Variants in ZNF318 observed in about 807,000 individuals in gnomAD.
ZNF318 encodes the protein endocrine regulator.
In ZNF318, 51 loss-of-function variants were observed where a neutral mutation model predicts 124.2. The ratio of observed to expected loss-of-function variants is 0.41; its 90% CI spans 0.33 to 0.52. The LOEUF is 0.52. ZNF318 is among the 20% of genes least tolerant of loss of function. The pLI is 0.23. For synonymous variants in ZNF318, 1,090 were observed against 1,040.7 expected, an observed-to-expected ratio of 1.05 and a Z score of -0.91; for missense variants, 2,815 against 2,811.2, an observed-to-expected ratio of 1.00 and a Z score of -0.03.
In ZNF318 at chr6:43,340,353, T is replaced by A. The variant is rs1392520306; in HGVS notation, c.3645A>T (p.Lys1215Asn). 4 of 1,614,056 alleles carry A rather than the reference T, an allele frequency of 2.5e-6. No individual in the cohort carries two copies. In the African/African-American group the frequency reaches 5.3e-5, roughly 22 times the overall value. The change falls in exon 10 of 10, where the codon AAA (lysine) becomes AAT (asparagine). Residue 1215 changes from lysine (K) to asparagine (N), a missense_variant. Coordinates refer to ENST00000361428, the MANE Select transcript of ZNF318 (RefSeq NM_014345.3). ...TTACTTCTTTCACAGCCTTTGCCTTTTTTTCTTTCTTCTCCTCCTTTGGTT... is the reference window on the plus strand; with the variant it reads ...TTACTTCTTTCACAGCCTTTGCCTTATTTTCTTTCTTCTCCTCCTTTGGTT... ...SEKPKEEKKE[K>N]KAKAVKEVKE...
Position 43,369,477 on chromosome 6 carries a change from G to T in ZNF318, c.-112C>A. 1 of 901,162 alleles carries T rather than the reference G, an allele frequency of 1.1e-6. No individual in the cohort carries two copies. Among genetic ancestry groups the T allele is most frequent in the Non-Finnish European group, 1.4e-6 (1 of 727,182 alleles). 55.8% of individuals were successfully genotyped at this position (901,162 alleles called of 1,614,324 possible). A position where few individuals can be genotyped will look rare whatever the true frequency, so the allele number is the denominator to read the frequency against. On this transcript the variant is annotated 5_prime_UTR_variant, in exon 1 of 10. Coordinates refer to ENST00000361428, the MANE Select transcript of ZNF318 (RefSeq NM_014345.3). ...GCCGCCACCTCGGCCGCTGCGCGCC[G>T]CCTCAGCCGCGGGAGCAGCCCCCTC...
chr6:43,359,161 A>G (rs1180681165), intron 2 of ZNF318, among the ~76,000 whole-genome samples: 1 of 152,194 alleles, frequency 6.6e-6, no homozygotes, highest in Non-Finnish European at 1.5e-5. Flanking sequence ...AAACCCATAA[A>G]GCTCTCTCAC....
At chr6:43,359,817 C>T (rs1316661610) in intron 2 of ZNF318, among the ~76,000 whole-genome samples, 1 of 152,178 alleles carries the variant, frequency 6.6e-6, no homozygotes, top group Non-Finnish European at 1.5e-5. Flanking sequence ...ATCCAGGTTT[C>T]TGTTACCCAC....
chr6:43,367,841 A>C (rs543456621), intron 1 of ZNF318, among the ~76,000 whole-genome samples: 1 of 152,306 alleles, frequency 6.6e-6, no homozygotes, highest in Middle Eastern at 3.4e-3. Flanking sequence ...AGAGCCACTC[A>C]AAAAAGCAGA....
chr6:43,352,112 C>T (rs1045633702), intron 5 of ZNF318, among the ~76,000 whole-genome samples: 3 of 76,682 alleles, frequency 3.9e-5, no homozygotes, highest in Non-Finnish European at 7.0e-5. Flanking sequence ...CCACTTCACT[C>T]CAGCCTGGGT....
chr6:43,350,745 C>T (rs1779513530), intron 5 of ZNF318, among the ~76,000 whole-genome samples: 1 of 151,930 alleles, frequency 6.6e-6, no homozygotes. Context: ...GGAAGCGAGG[C>T]TGCAGTGAGC....
At position 43,338,927 on chromosome 6, in the gene ZNF318, G is replaced by A. The variant is rs764930796; in HGVS notation, c.5071C>T (p.Pro1691Ser). The A allele has an allele frequency of 1.2e-6, 2 of 1,614,084 alleles. No individual in the cohort carries two copies. The highest frequency in any genetic ancestry group is 1.1e-5 in the South Asian group (1 of 91,072). Residue 1691 changes from proline to serine, a missense_variant, in exon 10 of 10, where the codon CCA (proline) becomes TCA (serine). By Grantham distance (74) the Pro-to-Ser change is moderately conservative (BLOSUM62 -1). This residue lies in a region of ZNF318 where 927 missense variants were observed against 820.6 expected (regional missense o/e 1.13). Transcript: ENST00000361428. ...CQSRPYETIT[P>S]KTDTLAIWTS... Reference sequence around the variant, plus strand: ...CATATGGCCAAAGTGTCTGTCTTTGGGGTAATTGTTTCATAAGGCCTGCTT... The same window carrying A: ...CATATGGCCAAAGTGTCTGTCTTTGAGGTAATTGTTTCATAAGGCCTGCTT...
Position 43,336,930 on chromosome 6 carries a change from G to T in ZNF318, c.*228C>A. 4.9e-6 allele frequency: 1 copy of T among 204,836 alleles called. No homozygotes were observed. Among genetic ancestry groups the T allele is most frequent in the Non-Finnish European group, 9.2e-6 (1 of 108,820 alleles). 12.7% of individuals were successfully genotyped at this position (204,836 alleles called of 1,614,324 possible). On this transcript the variant is annotated 3_prime_UTR_variant, in exon 10 of 10. Coordinates refer to ENST00000361428, the MANE Select transcript of ZNF318 (RefSeq NM_014345.3). ...AAAATTAACAAAATACATTTTTACA[G>T]ATATATATATATATATATAAGTTGT...
chr6:43,336,202 A>G lies in ZNF318; in HGVS notation c.*956T>C, dbSNP rs1035352312. The G allele has an allele frequency of 3.3e-5, 5 of 152,660 alleles. No individual in the cohort carries two copies. The highest frequency in any genetic ancestry group is 1.2e-4 in the African/African-American group (5 of 41,460). The allele number at this position is 152,660 out of a possible 1,614,324, so 9.5% of individuals were successfully genotyped here. On this transcript the variant is annotated 3_prime_UTR_variant, in exon 10 of 10. Coordinates refer to ENST00000361428, the MANE Select transcript of ZNF318 (RefSeq NM_014345.3). ...AAACATCGTACTATGGTTGAAATTA[A>G]TTGGGAAAGGAGGAGGTAGAGGAAA... is the stretch of plus-strand genomic sequence containing the variant.
chr6:43,347,852 C>T (rs111597025), intron 6 of ZNF318, among the ~76,000 whole-genome samples: 2,743 of 152,188 alleles, frequency 0.018, 42 homozygotes, highest in Middle Eastern at 0.058. Context: ...TAAGCAGGAG[C>T]ATCCAATGTA....
At position 43,340,168 on chromosome 6, in the gene ZNF318, C is replaced by A. The variant is rs750542979; in HGVS notation, c.3830G>T (p.Ser1277Ile). 5.6e-6 allele frequency: 9 copies of A among 1,614,142 alleles called. No individual in the cohort carries two copies. Among genetic ancestry groups the A allele is most frequent in the Non-Finnish European group, 7.6e-6 (9 of 1,180,028 alleles). Residue 1277 changes from serine (S) to isoleucine (I), a missense_variant, in exon 10 of 10, where the codon AGC (serine) becomes ATC (isoleucine). Physicochemically the swap from Ser to Ile is moderately radical, Grantham distance 142. This residue lies in a region of ZNF318 where 500 missense variants were observed against 605.2 expected (regional missense o/e 0.83). Transcript: ENST00000361428. ...CTCTTCTTTTTCTGGCTTCTTCCAG[C>A]TGAATTTCCCAAAAGAAGATGATGT... ...SPTSSSFGKF[S>I]WKKPEKEEEK...
At position 43,339,863 on chromosome 6, in the gene ZNF318, T is replaced by C. The variant is rs552791673; in HGVS notation, c.4135A>G (p.Ile1379Val). The C allele has an allele frequency of 1.2e-6, 2 of 1,614,168 alleles. No homozygotes were observed. Among genetic ancestry groups the C allele is most frequent in the South Asian group, 1.1e-5 (1 of 91,084 alleles). ...TTAGCAGTGGTTCCAGAGGACTTAATAGACAGAAAGGTGTTAAGAGGAGCT... is the reference window on the plus strand; with the variant it reads ...TTAGCAGTGGTTCCAGAGGACTTAACAGACAGAAAGGTGTTAAGAGGAGCT... ...KPAPLNTFLSIKSSGTTAKPL... is the reference protein window; with the variant it reads ...KPAPLNTFLSVKSSGTTAKPL... Residue 1379 changes from isoleucine to valine, a missense_variant, in exon 10 of 10, where the codon ATT (isoleucine) becomes GTT (valine). Physicochemically the swap from Ile to Val is conservative, Grantham distance 29. This residue lies in a region of ZNF318 where 500 missense variants were observed against 605.2 expected (regional missense o/e 0.83). Transcript: ENST00000361428. This position sits in a 1 kb window ranked among gnomAD's most constrained non-coding sequence, Gnocchi z 4.2.
intron 5 of ZNF318, among the ~76,000 whole-genome samples, chr6:43,349,623 C>T (rs1779499572): frequency 6.6e-6 from 1 of 152,142 alleles, no homozygotes; most frequent in Admixed American, 6.5e-5. Context: ...ACAGTCCAAA[C>T]CCAGACAGAA....
chr6:43,340,752 A>T (rs374407705), intron 9 of ZNF318, 38 bp downstream of exon 9: 10 of 1,575,350 alleles, frequency 6.3e-6, no homozygotes, highest in African/African-American at 2.7e-5. Context: ...ATTACTTCAG[A>T]AAAGTTGGAA....
chr6:43,358,502 T>TCAGCC (rs1447067597), intron 2 of ZNF318, among the ~76,000 whole-genome samples: 2 of 150,982 alleles, frequency 1.3e-5, no homozygotes, highest in Non-Finnish European at 2.9e-5. Flanking sequence ...GACCTAGTGA[T>TCAGCC]CAGCCCGCCT....
Position 43,355,884 on chromosome 6 carries a change from C to A in ZNF318, c.1450G>T (p.Ala484Ser), listed in dbSNP as rs755297954. 1.2e-6 allele frequency: 2 copies of A among 1,614,230 alleles called. No homozygotes were observed. The highest frequency in any genetic ancestry group is 2.2e-5 in the South Asian group (2 of 91,084). Residue 484 changes from alanine to serine, a missense_variant, in exon 4 of 10, where the codon GCT (alanine) becomes TCT (serine). Physicochemically the swap from Ala to Ser is moderately conservative, Grantham distance 99. Transcript: ENST00000361428. Reference sequence around the variant, plus strand: ...TCTGTGTGTCGCTCAGGTCCCTCAGCCTTCAAATCCAAATTATCCTTGTGG... The same window carrying A: ...TCTGTGTGTCGCTCAGGTCCCTCAGACTTCAAATCCAAATTATCCTTGTGG... Reference protein sequence around the residue: ...LCHKDNLDLKAEGPERHTDFL... With the variant: ...LCHKDNLDLKSEGPERHTDFL...
chr6:43,358,380 T>C (rs2150755672), intron 2 of ZNF318, among the ~76,000 whole-genome samples: 1 of 150,034 alleles, frequency 6.7e-6, no homozygotes, highest in South Asian at 2.1e-4. Context: ...CCCGAGTAAC[T>C]GGGCCTATAG....
intron 6 of ZNF318, among the ~76,000 whole-genome samples, chr6:43,345,782 T>C (rs1315923358): frequency 6.6e-6 from 1 of 152,194 alleles, no homozygotes; most frequent in African/African-American, 2.4e-5. Flanking sequence ...TTGTATGCAA[T>C]GGGAAACACA....
At chr6:43,361,748 G>A (rs142852519) in intron 2 of ZNF318, among the ~76,000 whole-genome samples, 1 of 152,248 alleles carries the variant, frequency 6.6e-6, no homozygotes, top group East Asian at 1.9e-4. Context: ...CCTACATACA[G>A]GGCTGCTAAG....
Sources: gnomAD v4.1 joint callset for allele counts (sites outside exome capture counted in the v4.1 genomes callset) on GRCh38, gnomAD v4.1.1 for gene constraint, gnomAD v4.1.1 regional missense constraint, Gnocchi (gnomAD v3.1) non-coding constraint, MANE v1.5 for transcripts, NCBI Gene and HGNC (gene_info 2026-07-23, HGNC 2026-07-21) for gene names.